Variants in LMO1 observed in about 807,000 individuals in gnomAD.
LMO1 encodes the protein LIM domain only 1, also known as rhombotin-1.
LMO1 carries 10 observed loss-of-function variants against 18.0 expected under a neutral mutation model. The observed-to-expected ratio is 0.55, with a 90% CI of 0.34 to 0.94. The LOEUF (loss-of-function observed/expected upper bound fraction) is 0.94, where lower values mean the gene tolerates loss of function less well. Among genes scored for constraint, LMO1 ranks in the 40% least tolerant of loss-of-function variants. LMO1 has a pLI of 0.02. For missense variants in LMO1, 183 were observed against 205.7 expected, an observed-to-expected ratio of 0.89 and a Z score of 0.68; for synonymous variants, 77 against 77.9, an observed-to-expected ratio of 0.99 and a Z score of 0.06.
At chr11:8,228,840 T>C (rs960893971) in intron 2 of LMO1, among the ~76,000 whole-genome samples, 1 of 151,822 alleles carries the variant, frequency 6.6e-6, no homozygotes, top group Admixed American at 6.6e-5. Context: ...GCCCTAAACC[T>C]CCAGACATGG....
At chr11:8,233,582 C>T (rs1952709879) in intron 1 of LMO1, among the ~76,000 whole-genome samples, 1 of 152,140 alleles carries the variant, frequency 6.6e-6, no homozygotes, top group African/African-American at 2.4e-5. Flanking sequence ...TGAAAACACT[C>T]CTGGAAAGGT....
Position 8,224,389 on chromosome 11 carries a change from T to C in LMO1, c.*227A>G. ...CTCATAAAATAAATGTTCCCATTTA[T>C]ATACAGAAGACAGACTGTACAGGCC... On this transcript the variant is annotated 3_prime_UTR_variant, in exon 4 of 4. Transcript: ENST00000335790. The C allele has an allele frequency of 5.6e-6, 3 of 533,378 alleles. No individual in the cohort carries two copies. Among genetic ancestry groups the C allele is most frequent in the Non-Finnish European group, 6.7e-6 (2 of 299,678 alleles). 33.0% of individuals were successfully genotyped at this position (533,378 alleles called of 1,614,324 possible).
intron 1 of LMO1, among the ~76,000 whole-genome samples, chr11:8,230,802 T>C (rs1952645070): frequency 6.6e-6 from 1 of 152,130 alleles, no homozygotes; most frequent in Admixed American, 6.5e-5. Flanking sequence ...CTCCCTACCA[T>C]GGCCTCTATC....
chr11:8,268,753 T>G, upstream of LMO1: 2 of 203,486 alleles, frequency 9.8e-6, no homozygotes, highest in Non-Finnish European at 2.0e-5. Flanking sequence ...GCGCGCGTCC[T>G]TCCTCCGCGC....
Position 8,251,977 on chromosome 11 carries a change from CGT to C in LMO1, c.25+11359_25+11360del, listed in dbSNP as rs1444745805. Among the ~76,000 whole-genome samples, 5 of 93,124 alleles carry C rather than the reference CGT, an allele frequency of 5.4e-5. No individual in the cohort carries two copies. In the South Asian group the frequency reaches 1.8e-3, roughly 34 times the overall value. 61.1% of individuals were successfully genotyped at this position (93,124 alleles called of 152,430 possible). On this transcript the variant is annotated intron_variant, in intron 1 of 3. Transcript: ENST00000335790. ...GTGTGTGTTTGTGTGTGGGGGTGTG[CGT>C]GTGTGGGGGTGTGCGTGTGTGTGTG...
chr11:8,247,477 T>A (rs969700021), intron 1 of LMO1, among the ~76,000 whole-genome samples: 3 of 152,222 alleles, frequency 2.0e-5, no homozygotes, highest in African/African-American at 4.8e-5. Context: ...AGATGAAGCA[T>A]CCTGGCCAGC....
chr11:8,257,741 C>T (rs776662982), intron 1 of LMO1, among the ~76,000 whole-genome samples: 9 of 152,236 alleles, frequency 5.9e-5, no homozygotes, highest in Admixed American at 3.9e-4. Flanking sequence ...TCTTGGTGAT[C>T]TGGACGTGGG....
chr11:8,228,108 A>C (rs1169046630), intron 2 of LMO1, among the ~76,000 whole-genome samples: 1 of 152,270 alleles, frequency 6.6e-6, no homozygotes, highest in Non-Finnish European at 1.5e-5. Flanking sequence ...AAGATGCTGT[A>C]AAACAGAACT....
At chr11:8,238,615 G>A (rs1269389232) in intron 1 of LMO1, among the ~76,000 whole-genome samples, 5 of 143,182 alleles carry the variant, frequency 3.5e-5, no homozygotes, top group Non-Finnish European at 4.5e-5. Context: ...AGGTTGCAGT[G>A]AGCCAAGATC....
chr11:8,262,121 A>G (rs765595672), intron 1 of LMO1, among the ~76,000 whole-genome samples: 21 of 152,210 alleles, frequency 1.4e-4, no homozygotes, highest in Non-Finnish European at 2.5e-4. Flanking sequence ...CCAACTGGCC[A>G]CATCAATAAC....
At chr11:8,245,466 T>C (rs1319280616) in intron 1 of LMO1, among the ~76,000 whole-genome samples, 2 of 152,172 alleles carry the variant, frequency 1.3e-5, no homozygotes, top group Non-Finnish European at 2.9e-5. Flanking sequence ...GCAGAAGTCC[T>C]TTGCTATCCT....
At chr11:8,234,692 T>C (rs996002578) in intron 1 of LMO1, among the ~76,000 whole-genome samples, 1 of 152,200 alleles carries the variant, frequency 6.6e-6, no homozygotes, top group African/African-American at 2.4e-5. Flanking sequence ...ACTGGGCATC[T>C]GCAGCCCCTC....
chr11:8,224,776 G>A (rs551308375), intron 3 of LMO1, 55 bp from the exon 4 acceptor site: 10 of 1,205,130 alleles, frequency 8.3e-6, no homozygotes, highest in Non-Finnish European at 1.2e-5. Flanking sequence ...TGGGTAAGGG[G>A]GGGGCTGCAG....
chr11:8,233,325 T>C (rs1385832862), intron 1 of LMO1, among the ~76,000 whole-genome samples: 1 of 151,990 alleles, frequency 6.6e-6, no homozygotes, highest in Non-Finnish European at 1.5e-5. Flanking sequence ...GGCAGCCCCA[T>C]GGGAGGGGCC....
At chr11:8,228,951 A>G (rs1477529229) in intron 2 of LMO1, among the ~76,000 whole-genome samples, 1 of 152,144 alleles carries the variant, frequency 6.6e-6, no homozygotes, top group Non-Finnish European at 1.5e-5. Context: ...ACAGTGGCGC[A>G]ATCACAGCTC....
At chr11:8,239,814 G>A (rs1179322629) in intron 1 of LMO1, among the ~76,000 whole-genome samples, 1 of 152,178 alleles carries the variant, frequency 6.6e-6, no homozygotes, top group Non-Finnish European at 1.5e-5. Context: ...AGGAGGGAAG[G>A]CCTAAGGGAA....
chr11:8,235,808 G>A (rs1485126520), intron 1 of LMO1, among the ~76,000 whole-genome samples: 3 of 152,060 alleles, frequency 2.0e-5, no homozygotes, highest in Non-Finnish European at 2.9e-5. Context: ...ACTCATTTCC[G>A]AGTCACCATG....
chr11:8,252,360 G>A (rs916300191), intron 1 of LMO1, among the ~76,000 whole-genome samples: 1 of 152,074 alleles, frequency 6.6e-6, no homozygotes, highest in African/African-American at 2.4e-5. Flanking sequence ...TGGAGCTGGT[G>A]AGGCATTCTC....
At chr11:8,253,358 A>G (rs1170731787) in intron 1 of LMO1, among the ~76,000 whole-genome samples, 1 of 152,230 alleles carries the variant, frequency 6.6e-6, no homozygotes. Context: ...CCAGTCATCT[A>G]CAAGACTCTC....
Sources: allele counts gnomAD v4.1 joint callset (sites outside exome capture counted in the v4.1 genomes callset), GRCh38; gene constraint gnomAD v4.1.1; transcripts MANE v1.5; gene names NCBI Gene and HGNC (gene_info 2026-07-23, HGNC 2026-07-21).